The following KCTD16 variants were observed in gnomAD, a reference collection of about 807,000 sequenced individuals.
The protein encoded by KCTD16 is BTB/POZ domain-containing protein KCTD16.
In KCTD16, 13 loss-of-function variants were observed where a neutral mutation model predicts 33.2. That is an observed-to-expected ratio of 0.39 (90% CI 0.25 to 0.62). The LOEUF is 0.62. Among genes scored for constraint, KCTD16 ranks in the 20% least tolerant of loss-of-function variants. KCTD16 has a pLI of 0.50. For synonymous variants in KCTD16, 197 were observed against 195.3 expected (o/e 1.01, Z -0.07); for missense variants, 441 against 525.1 (o/e 0.84, Z 1.57).
intron 3 of KCTD16, among the ~76,000 whole-genome samples, chr5:144,350,518 G>A (rs1751393052): frequency 6.6e-6 from 1 of 152,082 alleles, no homozygotes; most frequent in East Asian, 1.9e-4. Flanking sequence ...GTAAATAGCA[G>A]AGTTTTTAAT....
chr5:144,282,739 A>T (rs1213847548), intron 3 of KCTD16, among the ~76,000 whole-genome samples: 1 of 152,162 alleles, frequency 6.6e-6, no homozygotes, highest in Non-Finnish European at 1.5e-5. Flanking sequence ...TATGTCTAAT[A>T]TTTATGTAGC....
chr5:144,173,672 C>G (rs1159041037), intron 1 of KCTD16, among the ~76,000 whole-genome samples: 1 of 152,124 alleles, frequency 6.6e-6, no homozygotes, highest in East Asian at 1.9e-4. Flanking sequence ...AGATATTATT[C>G]AAATTCTACT....
intron 3 of KCTD16, among the ~76,000 whole-genome samples, chr5:144,338,210 C>T (rs1042490130): frequency 6.6e-6 from 1 of 152,026 alleles, no homozygotes; most frequent in Non-Finnish European, 1.5e-5. Context: ...TAAATTATTG[C>T]GTCCTGGGAA....
At chr5:144,447,490 C>T (rs7446830) in intron 3 of KCTD16, among the ~76,000 whole-genome samples, 8 of 151,816 alleles carry the variant, frequency 5.3e-5, no homozygotes, top group Non-Finnish European at 1.0e-4. Context: ...AAACCACCAT[C>T]GCACATGTAT....
intron 3 of KCTD16, among the ~76,000 whole-genome samples, chr5:144,372,480 T>C (rs1461962367): frequency 2.0e-5 from 3 of 152,192 alleles, no homozygotes; most frequent in African/African-American, 7.2e-5. Context: ...GACTGCCAAT[T>C]CCATAAGCTG....
chr5:144,327,033 C>T (rs752948961), intron 3 of KCTD16, among the ~76,000 whole-genome samples: 8 of 152,084 alleles, frequency 5.3e-5, no homozygotes, highest in Non-Finnish European at 1.0e-4. Context: ...GGGAACTAAA[C>T]GATCCATTTG....
chr5:144,418,998 A>G (rs566057981), intron 3 of KCTD16, among the ~76,000 whole-genome samples: 46 of 152,276 alleles, frequency 3.0e-4, no homozygotes, highest in African/African-American at 1.0e-3. Context: ...CTTTAGTTAC[A>G]CAACTCATCA....
At chr5:144,465,727 C>T (rs1754314481) in intron 3 of KCTD16, among the ~76,000 whole-genome samples, 1 of 150,454 alleles carries the variant, frequency 6.6e-6, no homozygotes, top group African/African-American at 2.4e-5. Context: ...ACCTGCGTTT[C>T]TCATAAAATT....
intron 3 of KCTD16, among the ~76,000 whole-genome samples, chr5:144,240,677 C>T (rs1304157459): frequency 6.6e-6 from 1 of 152,130 alleles, no homozygotes; most frequent in African/African-American, 2.4e-5. Flanking sequence ...CTTAGTCTCT[C>T]CTCCCATCTG....
At chr5:144,351,396 C>T (rs1192170596) in intron 3 of KCTD16, among the ~76,000 whole-genome samples, 1 of 152,054 alleles carries the variant, frequency 6.6e-6, no homozygotes, top group African/African-American at 2.4e-5. Context: ...ATCAAAAAGA[C>T]AAGATAAGTG....
chr5:144,392,065 C>T (rs373972589), intron 3 of KCTD16, among the ~76,000 whole-genome samples: 10 of 152,162 alleles, frequency 6.6e-5, no homozygotes, highest in East Asian at 5.8e-4. Context: ...TAAAATTAAA[C>T]GTATGTTTTA....
intron 3 of KCTD16, among the ~76,000 whole-genome samples, chr5:144,240,441 GA>G (rs1411074305): frequency 1.3e-5 from 2 of 151,726 alleles, no homozygotes; most frequent in East Asian, 3.9e-4. Flanking sequence ...CAGAAGAGTT[GA>G]AAAAATAGTA....
chr5:144,464,301 C>A (rs894320978), intron 3 of KCTD16, among the ~76,000 whole-genome samples: 7 of 152,114 alleles, frequency 4.6e-5, no homozygotes, highest in African/African-American at 1.4e-4. Flanking sequence ...GAGCCATGAG[C>A]AAATTAGTAA....
intron 3 of KCTD16, among the ~76,000 whole-genome samples, chr5:144,404,428 C>T (rs1039090634): frequency 6.6e-6 from 1 of 152,094 alleles, no homozygotes; most frequent in Admixed American, 6.6e-5. Context: ...TGAATATTTT[C>T]TCCCTGTTAA....
intron 2 of KCTD16, among the ~76,000 whole-genome samples, chr5:144,186,911 G>T (rs1456353231): frequency 6.6e-6 from 1 of 152,086 alleles, no homozygotes; most frequent in African/African-American, 2.4e-5. Context: ...TATGTGTCAG[G>T]TTCTGTGCCA....
intron 3 of KCTD16, among the ~76,000 whole-genome samples, chr5:144,352,167 A>G (rs1464311553): frequency 6.6e-6 from 1 of 152,240 alleles, no homozygotes; most frequent in African/African-American, 2.4e-5. Flanking sequence ...TCAATTAAAA[A>G]TAAAGAAAAT....
chr5:144,326,928 A>C (rs1752221121), intron 3 of KCTD16, among the ~76,000 whole-genome samples: 2 of 152,166 alleles, frequency 1.3e-5, no homozygotes, highest in African/African-American at 2.4e-5. Flanking sequence ...AACATATTTG[A>C]AGTAATTAGA....
intron 3 of KCTD16, among the ~76,000 whole-genome samples, chr5:144,284,871 T>C (rs746048704): frequency 1.3e-5 from 2 of 152,204 alleles, no homozygotes; most frequent in Middle Eastern, 3.2e-3. Context: ...CTTCTAAAAC[T>C]CTCACCATAA....
At chr5:144,195,597 T>C (rs912175964) in intron 2 of KCTD16, among the ~76,000 whole-genome samples, 1 of 152,236 alleles carries the variant, frequency 6.6e-6, no homozygotes, top group Admixed American at 6.5e-5. Context: ...TAGTCTTCAC[T>C]GGCTGAGAAC....
Sources: gnomAD v4.1 joint callset for allele counts (sites outside exome capture counted in the v4.1 genomes callset) on GRCh38, gnomAD v4.1.1 for gene constraint, MANE v1.5 for transcripts, NCBI Gene and HGNC (gene_info 2026-07-23, HGNC 2026-07-21) for gene names.